ARHGEF10: variants seen among roughly 807,000 people sequenced by gnomAD.
ARHGEF10 encodes the protein Rho guanine nucleotide exchange factor (GEF) 10.
ARHGEF10 carries 140 observed loss-of-function variants against 147.4 expected under a neutral mutation model. The ratio of observed to expected loss-of-function variants is 0.95; its 90% CI spans 0.83 to 1.09. The LOEUF is 1.09. Among genes scored for constraint, ARHGEF10 ranks in the 50% least tolerant of loss-of-function variants. ARHGEF10 has a pLI of 0.00. For missense variants in ARHGEF10, 2,222 were observed against 1,752.7 expected (o/e 1.27, Z -4.78); for synonymous variants, 902 against 695.8 (o/e 1.30, Z -4.67).
chr8:1,942,926 GC>G (rs1287328051), intron 26 of ARHGEF10, among the ~76,000 whole-genome samples: 1 of 152,210 alleles, frequency 6.6e-6, no homozygotes, highest in Non-Finnish European at 1.5e-5. Context: ...GTTGTCAGGG[GC>G]TGGGGAAGGG....
intron 1 of ARHGEF10, among the ~76,000 whole-genome samples, chr8:1,831,570 G>A (rs997726404): frequency 6.7e-5 from 10 of 150,242 alleles, no homozygotes; most frequent in African/African-American, 2.0e-4. Context: ...TGTGACATCC[G>A]TGGAGGGACA....
intron 2 of ARHGEF10, among the ~76,000 whole-genome samples, chr8:1,849,027 C>T (rs1436267294): frequency 6.6e-6 from 1 of 152,224 alleles, no homozygotes; most frequent in African/African-American, 2.4e-5. Context: ...ACTGTATTCA[C>T]AAGCATGTAG....
At chr8:1,945,941 A>G (rs1324833031) in intron 27 of ARHGEF10, 1 of 228,716 alleles carries the variant, frequency 4.4e-6, no homozygotes, top group Non-Finnish European at 8.2e-6. Context: ...TCTGTAGGTC[A>G]GAGTGGGTGG....
intron 15 of ARHGEF10, among the ~76,000 whole-genome samples, chr8:1,902,697 G>A (rs1395192823): frequency 6.6e-5 from 10 of 152,262 alleles, no homozygotes; most frequent in African/African-American, 2.4e-4. Flanking sequence ...TCGCAGGAGG[G>A]CGTACCCTTG....
At chr8:1,839,907 G>A (rs1803873727) in intron 1 of ARHGEF10, among the ~76,000 whole-genome samples, 1 of 148,330 alleles carries the variant, frequency 6.7e-6, no homozygotes, top group African/African-American at 2.5e-5. Context: ...ACTGTCCGGT[G>A]TGGGGACTGT....
Position 1,862,772 on chromosome 8 carries a change from CTTCTT to C in ARHGEF10, c.482-1598_482-1594del, listed in dbSNP as rs1806242050. The stretch of plus-strand genomic sequence containing the variant: ...GGGTGTTTCTTTTCCTTTTTTTCTT[CTTCTT>C]TTTTTTTTTTTTTTTTTTTGAGACA... On this transcript the variant is annotated intron_variant, in intron 4 of 28. Coordinates refer to ENST00000349830, the MANE Select transcript of ARHGEF10 (RefSeq NM_014629.4). Among the ~76,000 whole-genome samples, 13 of 101,274 alleles carry C rather than the reference CTTCTT, an allele frequency of 1.3e-4. No individual in the cohort carries two copies. The South Asian group carries it at 3.7e-3, about 29-fold the overall frequency. The allele number at this position is 101,274 out of a possible 152,430, so 66.4% of individuals were successfully genotyped here. A position where few individuals can be genotyped will look rare whatever the true frequency, so the allele number is the denominator to read the frequency against.
chr8:1,853,416 A>G (rs1189003378), intron 2 of ARHGEF10, among the ~76,000 whole-genome samples: 1 of 152,250 alleles, frequency 6.6e-6, no homozygotes, highest in Non-Finnish European at 1.5e-5. Flanking sequence ...TGAAAGATCC[A>G]TGTCGTCTCA....
At chr8:1,898,156 C>T (rs939323698) in intron 14 of ARHGEF10, among the ~76,000 whole-genome samples, 1 of 152,184 alleles carries the variant, frequency 6.6e-6, no homozygotes, top group African/African-American at 2.4e-5. Context: ...CACCCAAGGA[C>T]AGCCCCTGGA....
chr8:1,902,717 T>A (rs1810567392), intron 15 of ARHGEF10, among the ~76,000 whole-genome samples: 1 of 152,112 alleles, frequency 6.6e-6, no homozygotes, highest in South Asian at 2.1e-4. Context: ...GTGCTGTGCA[T>A]TCGGTGGGTT....
At chr8:1,893,727 A>T in intron 12 of ARHGEF10, 81 bp downstream of exon 12, 9 of 1,133,080 alleles carry the variant, frequency 7.9e-6, no homozygotes, top group Non-Finnish European at 9.3e-6. Context: ...ATAAATGCAA[A>T]GCATATATGT....
chr8:1,872,297 C>T (rs1322970685), intron 7 of ARHGEF10, among the ~76,000 whole-genome samples: 3 of 152,158 alleles, frequency 2.0e-5, no homozygotes, highest in Non-Finnish European at 2.9e-5. Flanking sequence ...AACAGCCCAC[C>T]AGGCTCAGAT....
At position 1,873,733 on chromosome 8, in the gene ARHGEF10, C is replaced by T. The variant is rs59653750; in HGVS notation, c.680-2838C>T. 5.2e-3 allele frequency among the ~76,000 whole-genome samples: 708 copies of T among 134,930 alleles called. 108 individuals carry two copies. Among genetic ancestry groups the T allele is most frequent in the African/African-American group, 0.02 (687 of 34,246 alleles). 88.5% of individuals were successfully genotyped at this position (134,930 alleles called of 152,430 possible). On this transcript the variant is annotated intron_variant, in intron 7 of 28. Coordinates refer to ENST00000349830, the MANE Select transcript of ARHGEF10 (RefSeq NM_014629.4). Reference sequence around the variant, plus strand: ...TAGTGCACTCGCATTTCCTAGTTGCCTTGAGAGGTGCCGCGGGGTAGTGCA... The same window carrying T: ...TAGTGCACTCGCATTTCCTAGTTGCTTTGAGAGGTGCCGCGGGGTAGTGCA...
At chr8:1,857,850 T>G (rs1661620710) in intron 2 of ARHGEF10, 110 bp from the exon 3 acceptor site, 2 of 1,029,564 alleles carry the variant, frequency 1.9e-6, no homozygotes, top group South Asian at 2.8e-5. Flanking sequence ...AGGAACTTAG[T>G]CAGTGTCTCT....
At chr8:1,888,231 A>AGGGTGGG (rs1808935275) in intron 11 of ARHGEF10, among the ~76,000 whole-genome samples, 1 of 54,960 alleles carries the variant, frequency 1.8e-5, no homozygotes, top group African/African-American at 8.6e-5. Context: ...GCGAGGAGAC[A>AGGGTGGG]GTGAGTGTGG....
Position 1,948,076 on chromosome 8 carries a change from CT to C in ARHGEF10, c.3397+2425del, listed in dbSNP as rs1814740402. Among the ~76,000 whole-genome samples, 1 of 152,038 alleles carries C rather than the reference CT, an allele frequency of 6.6e-6. No homozygotes were observed. Among genetic ancestry groups the C allele is most frequent in the Non-Finnish European group, 1.5e-5 (1 of 68,022 alleles). ...GCTGGGCGCTGAGCCTTCCTTGGGA[CT>C]TTTCACCCTTCAGCTCATAGTTTCC... is the stretch of plus-strand genomic sequence containing the variant. On this transcript the variant is annotated intron_variant, in intron 27 of 28. Coordinates refer to ENST00000349830, the MANE Select transcript of ARHGEF10 (RefSeq NM_014629.4). This position sits in a 1 kb window ranked among gnomAD's most constrained non-coding sequence, Gnocchi z 4.9.
intron 3 of ARHGEF10, among the ~76,000 whole-genome samples, chr8:1,859,053 C>T (rs543897628): frequency 5.3e-5 from 8 of 151,806 alleles, no homozygotes; most frequent in Non-Finnish European, 7.4e-5. Flanking sequence ...GGCCATAGCA[C>T]CTGCCTCTTG....
At chr8:1,928,358 C>A in intron 23 of ARHGEF10, 69 bp from the exon 24 acceptor site, 1 of 1,435,024 alleles carries the variant, frequency 7.0e-7, no homozygotes, top group South Asian at 1.1e-5. Flanking sequence ...CTTTAAGGGT[C>A]AGGTTCCAGC....
chr8:1,920,978 G>C (rs1293911664), intron 18 of ARHGEF10, among the ~76,000 whole-genome samples: 2 of 152,100 alleles, frequency 1.3e-5, no homozygotes, highest in Admixed American at 1.3e-4. Context: ...TAGAGACGGG[G>C]TTTCTCCATG....
rs936951371 is a variant in ARHGEF10, at chr8:1,826,005, G to A, written c.-48+1892G>A. The A allele has an allele frequency of 5.1e-6, 5 of 975,400 alleles. No individual in the cohort carries two copies. In the Admixed American group the frequency reaches 8.7e-5, roughly 17 times the overall value. The allele number at this position is 975,400 out of a possible 1,614,324, so 60.4% of individuals were successfully genotyped here. A position where few individuals can be genotyped will look rare whatever the true frequency, so the allele number is the denominator to read the frequency against. Reference sequence around the variant, plus strand: ...ATGATTACTGAGGTTTACACGTCATGTATTTTTAAAAACACACTTTGTCCC... The same window carrying A: ...ATGATTACTGAGGTTTACACGTCATATATTTTTAAAAACACACTTTGTCCC... On this transcript the variant is annotated intron_variant, in intron 1 of 28. Transcript: ENST00000349830.
Sources: gnomAD v4.1 joint callset for allele counts (sites outside exome capture counted in the v4.1 genomes callset) on GRCh38, gnomAD v4.1.1 for gene constraint, Gnocchi (gnomAD v3.1) non-coding constraint, MANE v1.5 for transcripts, NCBI Gene and HGNC (gene_info 2026-07-23, HGNC 2026-07-21) for gene names.